The following ZNF503 variants were observed in gnomAD, a reference collection of about 807,000 sequenced individuals.
ZNF503 encodes the protein zinc finger protein 503.
Under a neutral mutation model 34.4 loss-of-function variants are expected in ZNF503, and 15 were observed. The ratio of observed to expected loss-of-function variants is 0.44; its 90% CI spans 0.29 to 0.67. The LOEUF is 0.67. Among genes scored for constraint, ZNF503 ranks in the 30% least tolerant of loss-of-function variants. The pLI, the probability that ZNF503 is intolerant of heterozygous loss-of-function variation, is 0.13. For missense variants in ZNF503, 1,007 were observed against 926.8 expected (o/e 1.09, Z -1.12); for synonymous variants, 580 against 456.8 (o/e 1.27, Z -3.44).
the ZNF503 span, among the ~76,000 whole-genome samples, chr10:75,356,854 G>C: frequency 5.3e-5 from 8 of 152,276 alleles, no homozygotes; most frequent in Admixed American, 1.3e-4. Context: ...TCCTCCCCCG[G>C]GAGGCTGCTG....
the ZNF503 span, among the ~76,000 whole-genome samples, chr10:75,343,671 C>G: frequency 6.6e-6 from 1 of 152,226 alleles, no homozygotes; most frequent in Non-Finnish European, 1.5e-5. Flanking sequence ...CCCAGTGACT[C>G]CAGGTCCTGC....
chr10:75,325,844 C>A, the ZNF503 span, among the ~76,000 whole-genome samples: 4 of 147,286 alleles, frequency 2.7e-5, no homozygotes. Flanking sequence ...TTTGGGGGTG[C>A]TGTTGTAAAT....
chr10:75,312,918 T>C, the ZNF503 span, among the ~76,000 whole-genome samples: 1 of 152,228 alleles, frequency 6.6e-6, no homozygotes, highest in Non-Finnish European at 1.5e-5. Context: ...ACTGTTTTTG[T>C]GATAGTGAAT....
In ZNF503 at chr10:75,399,272, T is replaced by C. The variant is rs756470367; in HGVS notation, c.1418A>G (p.His473Arg). The part of the protein sequence containing the change: ...KSGYPLVYPT[H>R]PLHGVHSSLT... ...CGAGGAGTGCACACCGTGCAGCGGG[T>C]GCGTGGGGTACACCAGCGGGTATCC... is the stretch of plus-strand genomic sequence containing the variant. Residue 473 changes from histidine to arginine, a missense_variant, in exon 2 of 2, where the codon CAC becomes CGC. Physicochemically the swap from His to Arg is conservative, Grantham distance 29. Coordinates refer to ENST00000372524, the MANE Select transcript of ZNF503 (RefSeq NM_032772.6). 8 of 1,599,302 alleles carry C rather than the reference T, an allele frequency of 5.0e-6. No homozygotes were observed. In the African/African-American group the frequency reaches 1.1e-4, roughly 21 times the overall value.
At chr10:75,322,707 G>A in the ZNF503 span, among the ~76,000 whole-genome samples, 1 of 151,972 alleles carries the variant, frequency 6.6e-6, no homozygotes, top group Non-Finnish European at 1.5e-5. Context: ...TGAGCATGGT[G>A]GTGCATACCT....
the ZNF503 span, among the ~76,000 whole-genome samples, chr10:75,292,159 G>A: frequency 1.3e-5 from 2 of 152,212 alleles, no homozygotes; most frequent in South Asian, 2.1e-4. Flanking sequence ...GATCAGAAAA[G>A]GCCATCACAG....
chr10:75,398,821 G>A lies in ZNF503; in HGVS notation c.1869C>T (p.Thr623=), dbSNP rs1843738839. 1 of 1,498,470 alleles carries A rather than the reference G, an allele frequency of 6.7e-7. No individual in the cohort carries two copies. 92.8% of individuals were successfully genotyped at this position (1,498,470 alleles called of 1,614,324 possible). Residue 623 remains threonine (T), a synonymous_variant, in exon 2 of 2, where the codon ACC becomes ACT. Coordinates refer to ENST00000372524, the MANE Select transcript of ZNF503 (RefSeq NM_032772.6). ...GGGCGTAGGGGGAGTAGTACGGTCC[G>A]GTGGCGGCGGGCACCGGCACGGGGG... The part of the protein sequence containing the change: ...PGAPVPVPAA[T]GPYYSPYALY...
downstream of ZNF503, among the ~76,000 whole-genome samples, chr10:75,393,996 C>A (rs1406966107): frequency 6.6e-6 from 1 of 152,256 alleles, no homozygotes; most frequent in African/African-American, 2.4e-5. Flanking sequence ...GGAACAGCAT[C>A]TCTGGCTCCC....
the ZNF503 span, among the ~76,000 whole-genome samples, chr10:75,330,576 G>T: frequency 1.3e-5 from 2 of 152,082 alleles, no homozygotes; most frequent in Admixed American, 1.3e-4. Context: ...AGTCAATCTT[G>T]GTAGGTTGTA....
Position 75,399,604 on chromosome 10 carries a change from G to C in ZNF503, c.1086C>G (p.Ser362Arg), listed in dbSNP as rs556668514. 2 of 1,597,958 alleles carry C rather than the reference G, an allele frequency of 1.3e-6. No homozygotes were observed. The highest frequency in any genetic ancestry group is 4.5e-5 in the East Asian group (2 of 44,858). The part of the protein sequence containing the change: ...LPPAGMTYPG[S>R]LAGAYAGYPP... ...GGTAGCCGGCGTAGGCCCCGGCCAGGCTGCCTGGGTAGGTCATACCCGCGG... is the reference window on the plus strand; with the variant it reads ...GGTAGCCGGCGTAGGCCCCGGCCAGCCTGCCTGGGTAGGTCATACCCGCGG... Residue 362 changes from serine (S) to arginine (R), a missense_variant, in exon 2 of 2, where the codon AGC becomes AGG. Ser to Arg is a moderately radical substitution (Grantham distance 110). Transcript: ENST00000372524.
the ZNF503 span, among the ~76,000 whole-genome samples, chr10:75,333,344 C>T: frequency 6.7e-5 from 3 of 44,494 alleles, no homozygotes; most frequent in Admixed American, 1.9e-4. Context: ...TCCTCACTTC[C>T]CAGTAGGGGC....
chr10:75,329,351 T>C, the ZNF503 span, among the ~76,000 whole-genome samples: 6 of 151,824 alleles, frequency 4.0e-5, no homozygotes, highest in African/African-American at 7.3e-5. Context: ...CTCTTTTTCA[T>C]TGAGACTATC....
At position 75,401,677 on chromosome 10, in the gene ZNF503, C is replaced by T. The variant is rs1843828892; in HGVS notation, c.-258G>A. 2.1e-6 allele frequency: 1 copy of T among 480,434 alleles called. No individual in the cohort carries two copies. The highest frequency in any genetic ancestry group is 3.6e-6 in the Non-Finnish European group (1 of 276,572). The allele number at this position is 480,434 out of a possible 1,614,324, so 29.8% of individuals were successfully genotyped here. The stretch of plus-strand genomic sequence containing the variant: ...GCCGGGCGGCTCGCGGTGTCCGCCT[C>T]GGGCTGCTCCCCTGCGCTGCGTTCT... On this transcript the variant is annotated 5_prime_UTR_variant, in exon 1 of 2. Coordinates refer to ENST00000372524, the MANE Select transcript of ZNF503 (RefSeq NM_032772.6).
At chr10:75,370,778 C>CAAAAAAAA in the ZNF503 span, among the ~76,000 whole-genome samples, 58 of 67,968 alleles carry the variant, frequency 8.5e-4, 4 homozygotes, top group East Asian at 3.5e-3. Flanking sequence ...GGCTCCATCT[C>CAAAAAAAA]AAAAAAAAAA....
chr10:75,326,875 C>A, the ZNF503 span, among the ~76,000 whole-genome samples: 2 of 151,714 alleles, frequency 1.3e-5, no homozygotes, highest in African/African-American at 2.4e-5. Context: ...AGTAGAGACA[C>A]GATTTCACCA....
the ZNF503 span, among the ~76,000 whole-genome samples, chr10:75,381,656 A>G: frequency 1.1e-4 from 16 of 151,998 alleles, no homozygotes; most frequent in African/African-American, 3.9e-4. Flanking sequence ...ACAAAATAGA[A>G]CTTTGAGTCT....
rs569991258 is a variant in ZNF503 at position 75,401,368 on chromosome 10, C to T, written c.52G>A (p.Gly18Ser). Reference sequence around the variant, plus strand: ...CCGCCTCCGCCTCCGCCGCCGCCGCCGCCGCTGTGCTTACTGCTTCTTAGG... The same window carrying T: ...CCGCCTCCGCCTCCGCCGCCGCCGCTGCCGCTGTGCTTACTGCTTCTTAGG... Reference protein sequence around the residue: ...SALRSSKHSGGGGGGGGGGGA... With the variant: ...SALRSSKHSGSGGGGGGGGGA... Residue 18 changes from glycine (G) to serine (S), a missense_variant, in exon 1 of 2, where the codon GGC becomes AGC. Coordinates refer to ENST00000372524, the MANE Select transcript of ZNF503 (RefSeq NM_032772.6). 12 of 1,539,064 alleles carry T rather than the reference C, an allele frequency of 7.8e-6. 1 individual carries two copies. Among genetic ancestry groups the T allele is most frequent in the South Asian group, 4.8e-5 (4 of 84,014 alleles).
chr10:75,396,263 C>T (rs1315103481), downstream of ZNF503, among the ~76,000 whole-genome samples: 3 of 151,856 alleles, frequency 2.0e-5, no homozygotes, highest in Non-Finnish European at 4.4e-5. This position sits in a 1 kb window ranked among gnomAD's most constrained non-coding sequence, Gnocchi z 4.4. Flanking sequence ...GGGGCCGCGG[C>T]GTCCGAAGAC....
At chr10:75,375,503 T>A in the ZNF503 span, among the ~76,000 whole-genome samples, 1 of 152,066 alleles carries the variant, frequency 6.6e-6, no homozygotes, top group Non-Finnish European at 1.5e-5. Context: ...TATCTGACCA[T>A]GGAATCCATC....
Sources: allele counts gnomAD v4.1 joint callset (sites outside exome capture counted in the v4.1 genomes callset), GRCh38; gene constraint gnomAD v4.1.1; non-coding constraint Gnocchi (gnomAD v3.1); transcripts MANE v1.5; gene names NCBI Gene and HGNC (gene_info 2026-07-23, HGNC 2026-07-21).